SKA3: variants seen among roughly 807,000 people sequenced by gnomAD.
The protein encoded by SKA3 is spindle and kinetochore associated complex subunit 3, also known as spindle and kinetochore-associated protein 3.
In SKA3, 39 loss-of-function variants were observed where a neutral mutation model predicts 44.2. The observed-to-expected ratio is 0.88, with a 90% confidence interval of 0.68 to 1.15. The LOEUF (loss-of-function observed/expected upper bound fraction) is 1.15. Ranked by LOEUF, SKA3 falls within the 50% of genes most tolerant of loss-of-function variation. The pLI, the probability that SKA3 is intolerant of heterozygous loss-of-function variation, is 0.00. For synonymous variants in SKA3, 192 were observed against 172.0 expected (o/e 1.12, Z -0.91); for missense variants, 511 against 485.8 (o/e 1.05, Z -0.49).
intron 5 of SKA3, 28 bp downstream of exon 5, chr13:21,161,762 T>G: frequency 6.1e-6 from 7 of 1,150,578 alleles, no homozygotes; most frequent in Non-Finnish European, 8.2e-6. Context: ...AAAATGTTCC[T>G]GAGAAGTAAC....
In SKA3 at chr13:21,168,404, G is replaced by A. The variant is rs757480096; in HGVS notation, c.332-5C>T. ...TAATGGCTTCTTGCTCGTGTACTAG[G>A]AGGAAAAATCAGAATATTCTGGTCA... is the stretch of plus-strand genomic sequence containing the variant. On this transcript the variant is annotated splice_polypyrimidine_tract_variant and splice_region_variant and intron_variant, in intron 3 of 8. Coordinates refer to ENST00000314759, the MANE Select transcript of SKA3 (RefSeq NM_145061.6). The A allele has an allele frequency of 1.7e-6, 2 of 1,177,942 alleles. No individual in the cohort carries two copies. The highest frequency in any genetic ancestry group is 2.2e-6 in the Non-Finnish European group (2 of 890,928). 73.0% of individuals were successfully genotyped at this position (1,177,942 alleles called of 1,614,324 possible). A position where few individuals can be genotyped will look rare whatever the true frequency, so the allele number is the denominator to read the frequency against.
intron 4 of SKA3, among the ~76,000 whole-genome samples, chr13:21,165,019 TATC>T (rs1870630015): frequency 6.6e-6 from 1 of 152,084 alleles, no homozygotes; most frequent in Non-Finnish European, 1.5e-5. Flanking sequence ...ACAGATAACT[TATC>T]TATATTTTCT....
intron 6 of SKA3, 84 bp from the exon 7 acceptor site, chr13:21,158,209 T>C (rs4111077): frequency 0.29 from 247,927 of 850,730 alleles, 34,731 homozygotes; most frequent in South Asian, 0.42. Context: ...GTTACTTCTA[T>C]TGGGGTCTCT....
rs781644654 is a variant in SKA3, at chr13:21,168,002, C to T, written c.729G>A (p.Ala243=). The change falls in exon 4 of 9, where the codon GCG becomes GCA. Residue 243 remains alanine, a synonymous_variant. Coordinates refer to ENST00000314759, the MANE Select transcript of SKA3 (RefSeq NM_145061.6). The stretch of plus-strand genomic sequence containing the variant: ...GAGCTGCTTACCTTTTATTATTCCT[C>T]GCATTTTTAAGTCCCATTGTGTAAT... ...NEDYTMGLKN[A]RNNKSEEAID... is the part of the protein sequence containing the mutation. 21 of 1,579,714 alleles carry T rather than the reference C, an allele frequency of 1.3e-5. No homozygotes were observed. Among genetic ancestry groups the T allele is most frequent in the African/African-American group, 1.2e-4 (9 of 73,280 alleles).
At position 21,160,006 on chromosome 13, in the gene SKA3, G is replaced by C. The variant is rs1360895795; in HGVS notation, c.830-19C>G. ...TCGGCATCTAAAAGACACATAAAAT[G>C]GTCATTAAAAAACTATAACTATAGT... On this transcript the variant is annotated intron_variant, in intron 5 of 8. Transcript: ENST00000314759. 1 of 1,568,314 alleles carries C rather than the reference G, an allele frequency of 6.4e-7. No individual in the cohort carries two copies. Among genetic ancestry groups the C allele is most frequent in the Admixed American group, 1.9e-5 (1 of 52,592 alleles).
chr13:21,174,921 T>C (rs893038422), intron 1 of SKA3, among the ~76,000 whole-genome samples: 8 of 128,714 alleles, frequency 6.2e-5, no homozygotes, highest in Non-Finnish European at 1.5e-4. Context: ...TAATGAAATT[T>C]GCATTTCCTT....
chr13:21,161,757 G>C, intron 5 of SKA3, 33 bp downstream of exon 5: 1 of 1,124,592 alleles, frequency 8.9e-7, no homozygotes, highest in Non-Finnish European at 1.2e-6. Context: ...TGGGAAAAAT[G>C]TTCCTGAGAA....
In SKA3 at chr13:21,157,891, A is replaced by AAAT; in HGVS notation, c.1119+30_1119+31insATT. Reference sequence around the variant, plus strand: ...TTTCATATTGAAAAGAATATCAGCAAAAAAAAAAAAAAATAGCCTGGAAAA... The same window carrying AAAT: ...TTTCATATTGAAAAGAATATCAGCAAAATAAAAAAAAAAAAATAGCCTGGAAAA... On this transcript the variant is annotated intron_variant, in intron 7 of 8. Coordinates refer to ENST00000314759, the MANE Select transcript of SKA3 (RefSeq NM_145061.6). 2.3e-6 allele frequency: 3 copies of AAAT among 1,280,602 alleles called. No individual in the cohort carries two copies. The South Asian group carries it at 4.3e-5, about 18-fold the overall frequency. 79.3% of individuals were successfully genotyped at this position (1,280,602 alleles called of 1,614,324 possible).
At chr13:21,158,194 C>A in intron 6 of SKA3, 69 bp from the exon 7 acceptor site, 1 of 929,106 alleles carries the variant, frequency 1.1e-6, no homozygotes, top group Non-Finnish European at 1.5e-6. Context: ...AATAGTTAAT[C>A]ATTTGTTACT....
At chr13:21,166,913 C>CT (rs1314318739) in intron 4 of SKA3, among the ~76,000 whole-genome samples, 1 of 151,656 alleles carries the variant, frequency 6.6e-6, no homozygotes, top group Non-Finnish European at 1.5e-5. Flanking sequence ...GGGTTTTTTT[C>CT]TTTGACAGGA....
chr13:21,164,193 A>T (rs1003489962), intron 4 of SKA3, among the ~76,000 whole-genome samples: 1 of 152,156 alleles, frequency 6.6e-6, no homozygotes, highest in Non-Finnish European at 1.5e-5. Context: ...TATATTTATC[A>T]TGTTATAACA....
Position 21,172,404 on chromosome 13 carries a change from T to C in SKA3, c.266A>G (p.Asp89Gly). Residue 89 changes from aspartate (D) to glycine (G), a missense_variant, in exon 3 of 9, where the codon GAT becomes GGT. Physicochemically the swap from Asp to Gly is moderately conservative, Grantham distance 94. Transcript: ENST00000314759. ...TKVLMEKNSM[D>G]IMKIREYFQK... ...GAAATACTCTCTTATTTTCATAATA[T>C]CCATTGAATTTTTTTCCATTAGTAC... is the stretch of plus-strand genomic sequence containing the variant. 2 of 1,589,416 alleles carry C rather than the reference T, an allele frequency of 1.3e-6. No individual in the cohort carries two copies. Among genetic ancestry groups the C allele is most frequent in the Non-Finnish European group, 1.7e-6 (2 of 1,171,992 alleles).
In SKA3 at chr13:21,168,207, G is replaced by C; in HGVS notation, c.524C>G (p.Pro175Arg). The C allele has an allele frequency of 6.2e-7, 1 of 1,614,118 alleles. No individual in the cohort carries two copies. The highest frequency in any genetic ancestry group is 8.5e-7 in the Non-Finnish European group (1 of 1,180,002). ...CTTATAGTTGTTCACTGCCTGTGGA[G>C]GGTTTGGTAGAACTTGGGATACGAT... ...RYIVSQVLPN[P>R]PQAVNNYKEE... Residue 175 changes from proline (P) to arginine (R), a missense_variant, in exon 4 of 9, where the codon CCT becomes CGT. Physicochemically the swap from Pro to Arg is moderately radical, Grantham distance 103. Coordinates refer to ENST00000314759, the MANE Select transcript of SKA3 (RefSeq NM_145061.6).
Position 21,168,023 on chromosome 13 carries a change from G to A in SKA3, c.708C>T (p.Tyr236=), listed in dbSNP as rs768729983. Residue 236 remains tyrosine, a synonymous_variant, in exon 4 of 9, where the codon TAC becomes TAT. Transcript: ENST00000314759. The part of the protein sequence containing the change: ...SEYTMCLNED[Y]TMGLKNARNN... ...TCCTCGCATTTTTAAGTCCCATTGT[G>A]TAATCTTCATTTAAACACATAGTAT... is the stretch of plus-strand genomic sequence containing the variant. The A allele has an allele frequency of 1.9e-6, 3 of 1,602,532 alleles. No homozygotes were observed. The highest frequency in any genetic ancestry group is 1.7e-6 in the Non-Finnish European group (2 of 1,174,892).
At chr13:21,171,610 G>A (rs1445547342) in intron 3 of SKA3, among the ~76,000 whole-genome samples, 1 of 150,924 alleles carries the variant, frequency 6.6e-6, no homozygotes, top group Non-Finnish European at 1.5e-5. Flanking sequence ...GTCATTCAGA[G>A]GTATGGGCAT....
chr13:21,171,358 C>T (rs1310267610), intron 3 of SKA3, among the ~76,000 whole-genome samples: 3 of 152,024 alleles, frequency 2.0e-5, no homozygotes, highest in Non-Finnish European at 2.9e-5. Flanking sequence ...AGGCGGATCA[C>T]GAGGTCAGGA....
chr13:21,166,383 T>C (rs1236731956), intron 4 of SKA3, among the ~76,000 whole-genome samples: 1 of 152,216 alleles, frequency 6.6e-6, no homozygotes, highest in African/African-American at 2.4e-5. Flanking sequence ...TTAATATATC[T>C]GAAATTTTCA....
Position 21,176,500 on chromosome 13 carries a change from T to A in SKA3, c.-23A>T, listed in dbSNP as rs1595310324. 1 of 1,480,068 alleles carries A rather than the reference T, an allele frequency of 6.8e-7. No individual in the cohort carries two copies. The highest frequency in any genetic ancestry group is 2.5e-5 in the East Asian group (1 of 39,682). 91.7% of individuals were successfully genotyped at this position (1,480,068 alleles called of 1,614,324 possible). A position where few individuals can be genotyped will look rare whatever the true frequency, so the allele number is the denominator to read the frequency against. Reference sequence around the variant, plus strand: ...CATGCTGAGCACAGCGGGGAAGGACTCCAGGCGTACGCAGACCCCACCGCT... The same window carrying A: ...CATGCTGAGCACAGCGGGGAAGGACACCAGGCGTACGCAGACCCCACCGCT... On this transcript the variant is annotated 5_prime_UTR_variant, in exon 1 of 9. Coordinates refer to ENST00000314759, the MANE Select transcript of SKA3 (RefSeq NM_145061.6).
In SKA3 at chr13:21,158,055, G is replaced by T. The variant is rs778963799; in HGVS notation, c.986C>A (p.Ser329Ter). ...SNDLEVEDRT[S>*]LVLNSDTCFE... Reference sequence around the variant, plus strand: ...GCATGTGTCTGAATTTAAAACCAACGAAGTACGATCTTCAACTTCCAAATC... The same window carrying T: ...GCATGTGTCTGAATTTAAAACCAACTAAGTACGATCTTCAACTTCCAAATC... Residue 329 changes from serine to a stop codon, truncating the protein, a stop_gained, in exon 7 of 9, where the codon TCG becomes TAG. Transcript: ENST00000314759. LOFTEE classifies it high-confidence loss of function. 2.5e-6 allele frequency: 4 copies of T among 1,612,986 alleles called. No homozygotes were observed. In the Admixed American group the frequency reaches 6.7e-5, roughly 27 times the overall value.
Sources: allele counts gnomAD v4.1 joint callset (sites outside exome capture counted in the v4.1 genomes callset), GRCh38; gene constraint gnomAD v4.1.1; transcripts MANE v1.5; gene names NCBI Gene and HGNC (gene_info 2026-07-23, HGNC 2026-07-21).